Variants in ADGRL3 observed in about 807,000 individuals in gnomAD.
ADGRL3 encodes the protein calcium-independent alpha-latrotoxin receptor 3.
ADGRL3 carries 62 observed loss-of-function variants against 153.5 expected under a neutral mutation model. The ratio of observed to expected loss-of-function variants is 0.40; its 90% CI spans 0.33 to 0.50. The LOEUF is 0.50. Ranked by LOEUF, ADGRL3 falls within the 20% of genes least tolerant of loss-of-function variation. The pLI, the probability that ADGRL3 is intolerant of heterozygous loss-of-function variation, is 0.47. For synonymous variants in ADGRL3, 710 were observed against 672.5 expected (o/e 1.06, Z -0.86); for missense variants, 1,641 against 1,859.4 (o/e 0.88, Z 2.16).
Position 61,241,325 on chromosome 4 carries a change from G to A in ADGRL3, c.-240+39560G>A, listed in dbSNP as rs865981791. 2.6e-5 allele frequency among the ~76,000 whole-genome samples: 4 copies of A among 151,946 alleles called. No homozygotes were observed. In the South Asian group the frequency reaches 8.3e-4, roughly 32 times the overall value. On this transcript the variant is annotated intron_variant, in intron 1 of 26. Coordinates refer to ENST00000683033, the MANE Select transcript of ADGRL3 (RefSeq NM_001387552.1). ...ATGTAAGGTCACAGTTTTGAAAGAG[G>A]ATATGTGGTTCAATATAAATTCCAG...
At chr4:61,835,539 AC>A (rs1183492113) in intron 9 of ADGRL3, among the ~76,000 whole-genome samples, 1 of 152,158 alleles carries the variant, frequency 6.6e-6, no homozygotes, top group Non-Finnish European at 1.5e-5. Context: ...ATCCTTTTAA[AC>A]TTTTATTATC....
At chr4:61,542,195 G>T (rs2098693557) in intron 4 of ADGRL3, among the ~76,000 whole-genome samples, 1 of 152,174 alleles carries the variant, frequency 6.6e-6, no homozygotes, top group South Asian at 2.1e-4. Flanking sequence ...CTTCAATCCA[G>T]AGGAAATTGT....
Position 61,202,657 on chromosome 4 carries a change from GC to G in ADGRL3, c.-240+893del, listed in dbSNP as rs987317411. ...GGAGAAGGGAAGGCTCCAGGCTGCA[GC>G]GCAGCGTCTGAGCTGCCGCGACCCA... On this transcript the variant is annotated intron_variant, in intron 1 of 26. Transcript: ENST00000683033. This position sits in a 1 kb window ranked among gnomAD's most constrained non-coding sequence, Gnocchi z 5.0. Among the ~76,000 whole-genome samples, 38 of 152,164 alleles carry G rather than the reference GC, an allele frequency of 2.5e-4. 1 individual carries two copies. Among genetic ancestry groups the G allele is most frequent in the African/African-American group, 7.7e-4 (32 of 41,448 alleles).
intron 1 of ADGRL3, among the ~76,000 whole-genome samples, chr4:61,369,385 T>C (rs1449454111): frequency 1.3e-5 from 2 of 152,192 alleles, no homozygotes; most frequent in African/African-American, 2.4e-5. Context: ...ATAGCTCTTA[T>C]TATTTTGAGA....
chr4:62,069,300 G>C (rs960079139), intron 26 of ADGRL3, among the ~76,000 whole-genome samples: 18 of 151,982 alleles, frequency 1.2e-4, no homozygotes, highest in African/African-American at 4.1e-4. Context: ...TTAGGCACCA[G>C]ATACCTGTGT....
At chr4:61,289,998 T>G (rs1490205384) in intron 1 of ADGRL3, among the ~76,000 whole-genome samples, 1 of 152,118 alleles carries the variant, frequency 6.6e-6, no homozygotes, top group Non-Finnish European at 1.5e-5. Flanking sequence ...TTTGTGAATC[T>G]TATGGAAGAG....
rs573743255 is a variant in ADGRL3, at chr4:61,780,395, G to A, written c.1400-33414G>A. 7.2e-5 allele frequency among the ~76,000 whole-genome samples: 11 copies of A among 152,304 alleles called. No individual in the cohort carries two copies. In the South Asian group the frequency reaches 2.3e-3, roughly 32 times the overall value. ...GTTTTGATCTGTTCATATGTTGGAG[G>A]CGGGAGAGGTGAAAAATGGACAAAA... On this transcript the variant is annotated intron_variant, in intron 8 of 26. Coordinates refer to ENST00000683033, the MANE Select transcript of ADGRL3 (RefSeq NM_001387552.1).
intron 1 of ADGRL3, among the ~76,000 whole-genome samples, chr4:61,319,609 C>A (rs1269781461): frequency 1.3e-5 from 2 of 151,996 alleles, no homozygotes; most frequent in Non-Finnish European, 2.9e-5. Flanking sequence ...TTACTGTTTG[C>A]CAGACTAATA....
chr4:61,535,014 G>A (rs1356888777), intron 4 of ADGRL3, among the ~76,000 whole-genome samples: 1 of 151,818 alleles, frequency 6.6e-6, no homozygotes, highest in Non-Finnish European at 1.5e-5. Flanking sequence ...CATCTTTTTT[G>A]AGTTTTTAGG....
chr4:61,913,982 C>A (rs1414207936), intron 13 of ADGRL3, among the ~76,000 whole-genome samples: 6 of 152,092 alleles, frequency 3.9e-5, no homozygotes, highest in Non-Finnish European at 7.4e-5. Context: ...ATCTTGATAT[C>A]CTCAACAAAT....
At chr4:61,594,735 T>C (rs181366330) in intron 5 of ADGRL3, among the ~76,000 whole-genome samples, 81 of 152,244 alleles carry the variant, frequency 5.3e-4, no homozygotes, top group African/African-American at 1.9e-3. Flanking sequence ...TACTGGGACT[T>C]GCTCAAGGCC....
At chr4:61,412,640 T>C (rs1165806961) in intron 2 of ADGRL3, among the ~76,000 whole-genome samples, 1 of 152,202 alleles carries the variant, frequency 6.6e-6, no homozygotes, top group East Asian at 1.9e-4. Context: ...TGTGTCCACA[T>C]TGGACAGTGC....
chr4:61,748,260 TATC>T (rs1219122902), intron 8 of ADGRL3, among the ~76,000 whole-genome samples: 1 of 152,150 alleles, frequency 6.6e-6, no homozygotes, highest in Non-Finnish European at 1.5e-5. Context: ...GAAGAATCAA[TATC>T]ATGAAAATGA....
At chr4:61,536,336 A>G (rs1004888618) in intron 4 of ADGRL3, among the ~76,000 whole-genome samples, 1 of 152,174 alleles carries the variant, frequency 6.6e-6, no homozygotes, top group African/African-American at 2.4e-5. Context: ...CCATGTGCAG[A>G]TGAGGAAAAT....
At chr4:62,057,487 C>T (rs1171124205) in intron 25 of ADGRL3, among the ~76,000 whole-genome samples, 1 of 152,068 alleles carries the variant, frequency 6.6e-6, no homozygotes, top group African/African-American at 2.4e-5. Context: ...ATGATTTTAA[C>T]TGAATCTATT....
intron 4 of ADGRL3, among the ~76,000 whole-genome samples, chr4:61,570,781 G>A (rs977001167): frequency 5.3e-5 from 8 of 152,138 alleles, no homozygotes; most frequent in Admixed American, 5.2e-4. Context: ...CAAATCCAGT[G>A]TTCTCTTCAA....
chr4:62,025,130 A>G lies in ADGRL3; in HGVS notation c.3396-3725A>G, dbSNP rs571955733. On this transcript the variant is annotated intron_variant, in intron 21 of 26. Transcript: ENST00000683033. ...TGAACATTTTTAATGTAATAGAATAAAAGATGAAATGTTTAGATTTTTTTT... is the reference window on the plus strand; with the variant it reads ...TGAACATTTTTAATGTAATAGAATAGAAGATGAAATGTTTAGATTTTTTTT... 1.7e-3 allele frequency among the ~76,000 whole-genome samples: 254 copies of G among 152,242 alleles called. 1 individual carries two copies. Among genetic ancestry groups the G allele is most frequent in the Non-Finnish European group, 3.1e-3 (213 of 68,018 alleles).
At chr4:61,599,570 T>G (rs1288464813) in intron 5 of ADGRL3, among the ~76,000 whole-genome samples, 2 of 152,172 alleles carry the variant, frequency 1.3e-5, no homozygotes, top group Non-Finnish European at 2.9e-5. Flanking sequence ...TGACCTCAAG[T>G]GATCCACCTG....
intron 4 of ADGRL3, among the ~76,000 whole-genome samples, chr4:61,549,156 T>C (rs2098728753): frequency 6.6e-6 from 1 of 151,942 alleles, no homozygotes; most frequent in Non-Finnish European, 1.5e-5. Context: ...GGTATATAGG[T>C]ATGCTACTGA....
Sources: gnomAD v4.1 joint callset for allele counts (sites outside exome capture counted in the v4.1 genomes callset) on GRCh38, gnomAD v4.1.1 for gene constraint, Gnocchi (gnomAD v3.1) non-coding constraint, MANE v1.5 for transcripts, NCBI Gene and HGNC (gene_info 2026-07-23, HGNC 2026-07-21) for gene names.